The following CD300A variants were observed in gnomAD, a reference collection of about 807,000 sequenced individuals.
CD300A encodes CMRF35-like molecule 8.
CD300A carries 22 observed loss-of-function variants against 33.6 expected under a neutral mutation model. The observed-to-expected ratio is 0.66, with a 90% CI of 0.47 to 0.94. CD300A has a LOEUF of 0.94. Ranked by LOEUF, CD300A falls within the 40% of genes least tolerant of loss-of-function variation. The pLI is 0.00. For missense variants in CD300A, 326 were observed against 360.5 expected, an observed-to-expected ratio of 0.90 and a Z score of 0.77; for synonymous variants, 136 against 148.1, an observed-to-expected ratio of 0.92 and a Z score of 0.59.
At chr17:74,477,005 G>A (rs1337810113) in intron 3 of CD300A, among the ~76,000 whole-genome samples, 2 of 151,984 alleles carry the variant, frequency 1.3e-5, no homozygotes, top group Non-Finnish European at 2.9e-5. Flanking sequence ...GTGTAAATGG[G>A]GGGTGTGTAG....
In CD300A at chr17:74,469,893, T is replaced by G. The variant is rs971537618; in HGVS notation, c.40+3150T>G. 11 of 875,152 alleles carry G rather than the reference T, an allele frequency of 1.3e-5. No homozygotes were observed. The African/African-American group carries it at 2.0e-4, about 16-fold the overall frequency. The allele number at this position is 875,152 out of a possible 1,614,324, so 54.2% of individuals were successfully genotyped here. A position where few individuals can be genotyped will look rare whatever the true frequency, so the allele number is the denominator to read the frequency against. ...AAAATCCATTTATTAATGTATATACTAACTCCACTGTTTTTCTGTTTCTTA... is the reference window on the plus strand; with the variant it reads ...AAAATCCATTTATTAATGTATATACGAACTCCACTGTTTTTCTGTTTCTTA... On this transcript the variant is annotated intron_variant, in intron 1 of 6. Coordinates refer to ENST00000360141, the MANE Select transcript of CD300A (RefSeq NM_007261.4).
At chr17:74,467,728 A>G (rs1428870819) in intron 1 of CD300A, among the ~76,000 whole-genome samples, 1 of 152,184 alleles carries the variant, frequency 6.6e-6, no homozygotes, top group Non-Finnish European at 1.5e-5. Flanking sequence ...TGGTGTCTTG[A>G]CTTGGAAACG....
At chr17:74,479,672 G>C (rs1047568112) in intron 4 of CD300A, among the ~76,000 whole-genome samples, 5 of 152,128 alleles carry the variant, frequency 3.3e-5, no homozygotes, top group African/African-American at 9.7e-5. Context: ...GGTGTCTTAA[G>C]CTTCCTGTAA....
chr17:74,481,177 G>A, intron 4 of CD300A, 112 bp from the exon 5 acceptor site: 1 of 923,458 alleles, frequency 1.1e-6, no homozygotes, highest in South Asian at 1.4e-5. Context: ...GAAGGGATAG[G>A]TCCCCAGGGC....
chr17:74,477,644 C>G, intron 4 of CD300A, 114 bp downstream of exon 4: 1 of 637,630 alleles, frequency 1.6e-6, no homozygotes, highest in Non-Finnish European at 2.8e-6. Flanking sequence ...ACATGTGACA[C>G]CCAGACCACA....
intron 3 of CD300A, among the ~76,000 whole-genome samples, chr17:74,475,020 C>A (rs1168715760): frequency 1.3e-5 from 2 of 152,148 alleles, no homozygotes; most frequent in African/African-American, 4.8e-5. Context: ...GTGTATTAGT[C>A]TGTTTTCGCA....
intron 1 of CD300A, among the ~76,000 whole-genome samples, chr17:74,472,048 C>G (rs1406787493): frequency 6.6e-6 from 1 of 152,050 alleles, no homozygotes; most frequent in Non-Finnish European, 1.5e-5. Flanking sequence ...CGAGACCAGC[C>G]AGGCCAACAT....
chr17:74,471,594 A>T (rs940760741), intron 1 of CD300A, among the ~76,000 whole-genome samples: 14 of 152,208 alleles, frequency 9.2e-5, no homozygotes, highest in African/African-American at 3.1e-4. Context: ...TAGGGTAGAG[A>T]TGTAAACGCA....
rs1041351767 is a variant in CD300A, at chr17:74,480,862, C to T, written c.629-427C>T. On this transcript the variant is annotated intron_variant, in intron 4 of 6. Coordinates refer to ENST00000360141, the MANE Select transcript of CD300A (RefSeq NM_007261.4). This position sits in a 1 kb window ranked among gnomAD's most constrained non-coding sequence, Gnocchi z 4.2. Reference sequence around the variant, plus strand: ...TCCCAGGTTCAAGCGATTCTCCTGTCTCAGCCTCCCAAGTAGCTGGGACTA... The same window carrying T: ...TCCCAGGTTCAAGCGATTCTCCTGTTTCAGCCTCCCAAGTAGCTGGGACTA... Among the ~76,000 whole-genome samples the T allele has an allele frequency of 6.6e-6, 1 of 152,188 alleles. No homozygotes were observed. Among genetic ancestry groups the T allele is most frequent in the South Asian group, 2.1e-4 (1 of 4,838 alleles).
chr17:74,484,006 C>G lies in CD300A; in HGVS notation c.780C>G (p.Ser260=), dbSNP rs776321895. 1 of 1,613,850 alleles carries G rather than the reference C, an allele frequency of 6.2e-7. No homozygotes were observed. Among genetic ancestry groups the G allele is most frequent in the Non-Finnish European group, 8.5e-7 (1 of 1,179,856 alleles). The part of the protein sequence containing the change: ...EVEVEYSTVA[S]PREELHYASV... ...TTCTTGGTTTCTCTCTGCAGGCCTC[C>G]CCCAGGGAAGAACTTCACTATGCCT... The change falls in exon 7 of 7, where the codon TCC becomes TCG. Residue 260 remains serine, a synonymous_variant. Transcript: ENST00000360141.
intron 3 of CD300A, among the ~76,000 whole-genome samples, chr17:74,475,826 AC>A (rs1187273030): frequency 6.6e-5 from 10 of 151,664 alleles, no homozygotes; most frequent in East Asian, 1.9e-4. Flanking sequence ...GGTTCCCAGG[AC>A]CCCCCCAGGT....
chr17:74,477,552 C>T, intron 4 of CD300A, 22 bp downstream of exon 4: 1 of 1,574,868 alleles, frequency 6.3e-7, no homozygotes, highest in Admixed American at 1.7e-5. Context: ...CCCCACACCC[C>T]TCTGCCCCAC....
intron 1 of CD300A, among the ~76,000 whole-genome samples, chr17:74,472,069 T>C (rs1456628083): frequency 6.6e-6 from 1 of 151,928 alleles, no homozygotes; most frequent in Non-Finnish European, 1.5e-5. Flanking sequence ...GGTGAAACCC[T>C]GTCTCTACTA....
intron 1 of CD300A, chr17:74,466,956 G>GT (rs1905752397): frequency 7.0e-7 from 1 of 1,420,326 alleles, no homozygotes; most frequent in South Asian, 1.5e-5. Flanking sequence ...CTGCACCCAC[G>GT]TACCTTGGCT....
Position 74,484,269 on chromosome 17 carries a change from C to T in CD300A, c.*143C>T, listed in dbSNP as rs1567986907. 1 of 870,186 alleles carries T rather than the reference C, an allele frequency of 1.1e-6. No individual in the cohort carries two copies. Among genetic ancestry groups the T allele is most frequent in the South Asian group, 1.8e-5 (1 of 56,952 alleles). The allele number at this position is 870,186 out of a possible 1,614,324, so 53.9% of individuals were successfully genotyped here. On this transcript the variant is annotated 3_prime_UTR_variant, in exon 7 of 7. Coordinates refer to ENST00000360141, the MANE Select transcript of CD300A (RefSeq NM_007261.4). The stretch of plus-strand genomic sequence containing the variant: ...AGGCAGCTGGGTTTCCCAGGCCATC[C>T]CTCTGTTGCCATCAGCTTGATTGGC...
chr17:74,480,803 A>G lies in CD300A; in HGVS notation c.629-486A>G, dbSNP rs1256456715. On this transcript the variant is annotated intron_variant, in intron 4 of 6. Coordinates refer to ENST00000360141, the MANE Select transcript of CD300A (RefSeq NM_007261.4). This position sits in a 1 kb window ranked among gnomAD's most constrained non-coding sequence, Gnocchi z 4.2. ...TGCTCTGTTGCCCAGGCTGGAGTGCAGTGGCATGATCTCAGCTCACTGCAA... is the reference window on the plus strand; with the variant it reads ...TGCTCTGTTGCCCAGGCTGGAGTGCGGTGGCATGATCTCAGCTCACTGCAA... 6.6e-6 allele frequency among the ~76,000 whole-genome samples: 1 copy of G among 152,050 alleles called. No individual in the cohort carries two copies. Among genetic ancestry groups the G allele is most frequent in the Non-Finnish European group, 1.5e-5 (1 of 68,002 alleles).
At chr17:74,467,863 A>G (rs1348712683) in intron 1 of CD300A, among the ~76,000 whole-genome samples, 3 of 151,988 alleles carry the variant, frequency 2.0e-5, no homozygotes, top group African/African-American at 7.3e-5. Flanking sequence ...CCATTGACTC[A>G]TTGGCTGGTA....
intron 1 of CD300A, among the ~76,000 whole-genome samples, chr17:74,467,295 G>C (rs934590072): frequency 1.3e-5 from 2 of 152,228 alleles, no homozygotes; most frequent in South Asian, 4.1e-4. Context: ...GATTTAACCA[G>C]GGCAGCCCAG....
rs1425694242 is a variant in CD300A at position 74,481,652 on chromosome 17, G to A, written c.667-74G>A. The A allele has an allele frequency of 1.7e-5, 18 of 1,050,102 alleles. No homozygotes were observed. The African/African-American group carries it at 2.2e-4, about 13-fold the overall frequency. 65.0% of individuals were successfully genotyped at this position (1,050,102 alleles called of 1,614,324 possible). The stretch of plus-strand genomic sequence containing the variant: ...GTGCTCAGAGCATAGAGGAAGGGGA[G>A]ACACATGCAGAGACGCAGGGACAGA... On this transcript the variant is annotated intron_variant, in intron 5 of 6. Coordinates refer to ENST00000360141, the MANE Select transcript of CD300A (RefSeq NM_007261.4).
Sources: allele counts gnomAD v4.1 joint callset (sites outside exome capture counted in the v4.1 genomes callset), GRCh38; gene constraint gnomAD v4.1.1; non-coding constraint Gnocchi (gnomAD v3.1); transcripts MANE v1.5; gene names NCBI Gene and HGNC (gene_info 2026-07-23, HGNC 2026-07-21).